The following NLGN1 variants were observed in gnomAD, a reference collection of about 807,000 sequenced individuals.
NLGN1 encodes neuroligin-1.
In NLGN1, 12 loss-of-function variants were observed where a neutral mutation model predicts 65.5. The observed-to-expected ratio is 0.18, with a 90% CI of 0.12 to 0.30. The LOEUF (loss-of-function observed/expected upper bound fraction) is 0.30. NLGN1 is among the 10% of genes least tolerant of loss of function. The pLI, the probability that NLGN1 is intolerant of heterozygous loss-of-function variation, is 1.00. For synonymous variants in NLGN1, 350 were observed against 359.5 expected, an observed-to-expected ratio of 0.97 and a Z score of 0.30; for missense variants, 750 against 1,007.1, an observed-to-expected ratio of 0.74 and a Z score of 3.46.
intron 3 of NLGN1, among the ~76,000 whole-genome samples, chr3:173,633,225 T>A (rs1314868048): frequency 6.6e-6 from 1 of 152,182 alleles, no homozygotes; most frequent in Non-Finnish European, 1.5e-5. Flanking sequence ...TCACCATCTT[T>A]CTGAACCCCA....
At chr3:173,897,206 TC>T (rs1736492156) in intron 4 of NLGN1, among the ~76,000 whole-genome samples, 1 of 152,182 alleles carries the variant, frequency 6.6e-6, no homozygotes, top group Admixed American at 6.5e-5. Flanking sequence ...CAATTAAGAT[TC>T]CCCAAGATTC....
At chr3:173,506,784 A>G (rs761046751) in intron 2 of NLGN1, among the ~76,000 whole-genome samples, 6 of 152,180 alleles carry the variant, frequency 3.9e-5, no homozygotes, top group African/African-American at 1.4e-4. Context: ...AGAGATCCCT[A>G]TCACAAAATG....
At chr3:173,657,610 A>G (rs961306488) in intron 3 of NLGN1, among the ~76,000 whole-genome samples, 10 of 152,020 alleles carry the variant, frequency 6.6e-5, no homozygotes, top group Admixed American at 5.9e-4. Context: ...CCTTAAAATC[A>G]TTAGTTGCAA....
At chr3:174,012,305 C>T (rs1213850145) in intron 4 of NLGN1, among the ~76,000 whole-genome samples, 1 of 152,080 alleles carries the variant, frequency 6.6e-6, no homozygotes, top group Non-Finnish European at 1.5e-5. Context: ...GAATGTATAC[C>T]CTACTCCATT....
chr3:173,657,195 A>G (rs960880242), intron 3 of NLGN1, among the ~76,000 whole-genome samples: 3 of 151,930 alleles, frequency 2.0e-5, no homozygotes, highest in East Asian at 1.9e-4. Context: ...AAAAGCCTTA[A>G]ATTCTGGGTC....
intron 3 of NLGN1, among the ~76,000 whole-genome samples, chr3:173,760,514 A>C (rs188637907): frequency 8.7e-4 from 132 of 152,100 alleles, no homozygotes; most frequent in Non-Finnish European, 1.8e-4. Flanking sequence ...CAGTGAATGA[A>C]GTTAAACCAA....
intron 3 of NLGN1, among the ~76,000 whole-genome samples, chr3:173,636,597 T>G (rs1390576001): frequency 6.6e-6 from 1 of 152,174 alleles, no homozygotes; most frequent in Non-Finnish European, 1.5e-5. Flanking sequence ...ATGATATAAC[T>G]AAAATTTTCC....
At chr3:173,872,270 C>T (rs1370095701) in intron 4 of NLGN1, among the ~76,000 whole-genome samples, 2 of 152,178 alleles carry the variant, frequency 1.3e-5, no homozygotes, top group African/African-American at 2.4e-5. Context: ...AAATTGAGCA[C>T]GTGGACAATA....
chr3:173,977,547 A>G (rs904132384), intron 4 of NLGN1, among the ~76,000 whole-genome samples: 2 of 152,034 alleles, frequency 1.3e-5, no homozygotes, highest in African/African-American at 2.4e-5. Flanking sequence ...GATTTTAAGC[A>G]GGAATTAACA....
At chr3:173,426,276 A>G (rs1023057814) in intron 1 of NLGN1, among the ~76,000 whole-genome samples, 10 of 152,120 alleles carry the variant, frequency 6.6e-5, no homozygotes, top group African/African-American at 2.4e-4. Flanking sequence ...TCATCTGCAA[A>G]CAAGGACAAT....
intron 2 of NLGN1, among the ~76,000 whole-genome samples, chr3:173,572,192 AAG>A (rs1744761584): frequency 6.6e-6 from 1 of 152,176 alleles, no homozygotes; most frequent in Admixed American, 6.5e-5. Flanking sequence ...GATAATTTGA[AAG>A]TGTGACCTAG....
chr3:173,442,299 T>G (rs181782614), intron 2 of NLGN1, among the ~76,000 whole-genome samples: 78 of 152,298 alleles, frequency 5.1e-4, no homozygotes, highest in Admixed American at 4.6e-3. Context: ...TTGAGTTATT[T>G]CCATTGTATT....
intron 4 of NLGN1, among the ~76,000 whole-genome samples, chr3:174,156,759 T>A (rs976342643): frequency 1.4e-4 from 21 of 151,618 alleles, no homozygotes; most frequent in African/African-American, 5.1e-4. Context: ...TGCCCAAAAT[T>A]TGTGATTAAT....
chr3:174,203,229 C>T (rs947935009), intron 4 of NLGN1, among the ~76,000 whole-genome samples: 2 of 152,064 alleles, frequency 1.3e-5, no homozygotes, highest in Non-Finnish European at 2.9e-5. Context: ...AATTTTCTGC[C>T]CTGTGCAGTC....
At chr3:173,676,133 G>C (rs1324731440) in intron 3 of NLGN1, among the ~76,000 whole-genome samples, 1 of 151,930 alleles carries the variant, frequency 6.6e-6, no homozygotes, top group Non-Finnish European at 1.5e-5. Context: ...AATAATAATA[G>C]TAGTAATAAT....
intron 2 of NLGN1, among the ~76,000 whole-genome samples, chr3:173,553,483 A>C (rs1741216985): frequency 6.6e-6 from 1 of 152,154 alleles, no homozygotes; most frequent in Admixed American, 6.5e-5. Flanking sequence ...CACAAATGAA[A>C]TCTATTTATC....
chr3:174,267,216 A>G (rs1379234897), intron 4 of NLGN1, among the ~76,000 whole-genome samples: 1 of 152,224 alleles, frequency 6.6e-6, no homozygotes, highest in Non-Finnish European at 1.5e-5. Flanking sequence ...ATGGTTCTGC[A>G]GTTCTGTACA....
At chr3:173,656,846 G>T (rs1760126376) in intron 3 of NLGN1, among the ~76,000 whole-genome samples, 1 of 151,894 alleles carries the variant, frequency 6.6e-6, no homozygotes, top group South Asian at 2.1e-4. Context: ...GGGATCAAAG[G>T]GCAATCTAAG....
intron 3 of NLGN1, among the ~76,000 whole-genome samples, chr3:173,766,392 T>C (rs1778798878): frequency 6.6e-6 from 1 of 152,080 alleles, no homozygotes; most frequent in African/African-American, 2.4e-5. Context: ...CCCAGCCTCA[T>C]CTTCTTTTCC....
Sources: allele counts gnomAD v4.1 joint callset (sites outside exome capture counted in the v4.1 genomes callset), GRCh38; gene constraint gnomAD v4.1.1; transcripts MANE v1.5; gene names NCBI Gene and HGNC (gene_info 2026-07-23, HGNC 2026-07-21).